Variants in GATAD1 observed in about 807,000 individuals in gnomAD.
GATAD1 encodes GATA zinc finger domain containing 1, also known as GATA zinc finger domain-containing protein 1.
GATAD1 carries 12 observed loss-of-function variants against 26.5 expected under a neutral mutation model. That is an observed-to-expected ratio of 0.45 (90% CI 0.29 to 0.73). The LOEUF (loss-of-function observed/expected upper bound fraction) is 0.73, where lower values mean the gene tolerates loss of function less well. GATAD1 is among the 30% of genes least tolerant of loss of function. The pLI is 0.10. For synonymous variants in GATAD1, 129 were observed against 133.1 expected, an observed-to-expected ratio of 0.97 and a Z score of 0.21; for missense variants, 266 against 342.1, an observed-to-expected ratio of 0.78 and a Z score of 1.75.
At chr7:92,468,246 T>TC in the GATAD1 span, 1 of 160,774 alleles carries the variant, frequency 6.2e-6, no homozygotes, top group Non-Finnish European at 1.3e-5. Flanking sequence ...CCTCGCTGGA[T>TC]CAGGAGCACA....
the GATAD1 span, among the ~76,000 whole-genome samples, chr7:92,479,023 C>T: frequency 7.2e-5 from 11 of 152,174 alleles, no homozygotes; most frequent in Non-Finnish European, 1.3e-4. Context: ...AATCAGACAC[C>T]GCCTCCTCCA....
Position 92,456,741 on chromosome 7 carries a change from T to C in GATAD1, c.*179T>C, listed in dbSNP as rs532959055. The C allele has an allele frequency of 4.2e-6, 2 of 474,294 alleles. No homozygotes were observed. Among genetic ancestry groups the C allele is most frequent in the Non-Finnish European group, 7.4e-6 (2 of 271,710 alleles). 29.4% of individuals were successfully genotyped at this position (474,294 alleles called of 1,614,324 possible). On this transcript the variant is annotated 3_prime_UTR_variant, in exon 5 of 5. Coordinates refer to ENST00000287957, the MANE Select transcript of GATAD1 (RefSeq NM_021167.5). ...TTAGTACCACAAGATATGTCATAGG[T>C]ATCTTTAAATGAAATTCTTAGCTGG...
chr7:92,448,884 T>C lies in GATAD1; in HGVS notation c.375+7T>C. 1 of 1,610,770 alleles carries C rather than the reference T, an allele frequency of 6.2e-7. No homozygotes were observed. The highest frequency in any genetic ancestry group is 8.5e-7 in the Non-Finnish European group (1 of 1,176,952). ...TATATTTAAATTGAAAAATGTAAGA[T>C]ATTTGTGGACAGTGCCTTTTACTGT... On this transcript the variant is annotated splice_region_variant and intron_variant, in intron 2 of 4. Transcript: ENST00000287957.
At chr7:92,474,520 T>C in the GATAD1 span, 1 of 152,282 alleles carries the variant, frequency 6.6e-6, no homozygotes, top group Non-Finnish European at 1.5e-5. Context: ...CCAATCTCCA[T>C]GTTCTGATTC....
chr7:92,454,066 A>G (rs1171929867), intron 3 of GATAD1: 1 of 208,054 alleles, frequency 4.8e-6, no homozygotes, highest in Non-Finnish European at 9.4e-6. Flanking sequence ...CCGTGTAACA[A>G]GTGTACCACT....
chr7:92,454,436 G>A (rs1789578267), intron 3 of GATAD1, 66 bp from the exon 4 acceptor site: 1 of 1,215,010 alleles, frequency 8.2e-7, no homozygotes, highest in African/African-American at 1.5e-5. Flanking sequence ...TACCTATTAA[G>A]GTTCATTCAT....
In GATAD1 at chr7:92,454,309, G is replaced by A. The variant is rs539213521; in HGVS notation, c.436-193G>A. The A allele has an allele frequency of 2.0e-4, 117 of 573,902 alleles. No individual in the cohort carries two copies. In the African/African-American group the frequency reaches 2.1e-3, roughly 10 times the overall value. The allele number at this position is 573,902 out of a possible 1,614,324, so 35.6% of individuals were successfully genotyped here. A position where few individuals can be genotyped will look rare whatever the true frequency, so the allele number is the denominator to read the frequency against. On this transcript the variant is annotated intron_variant, in intron 3 of 4. Coordinates refer to ENST00000287957, the MANE Select transcript of GATAD1 (RefSeq NM_021167.5). Reference sequence around the variant, plus strand: ...AACTGTCATATATGCACCCTCGTATGTGTATGTATAATTTTCATTCAAACG... The same window carrying A: ...AACTGTCATATATGCACCCTCGTATATGTATGTATAATTTTCATTCAAACG...
chr7:92,486,345 C>T, the GATAD1 span, among the ~76,000 whole-genome samples: 1 of 152,204 alleles, frequency 6.6e-6, no homozygotes, highest in South Asian at 2.1e-4. Flanking sequence ...TTACCACCAC[C>T]ACCCTTCATG....
downstream of GATAD1, among the ~76,000 whole-genome samples, chr7:92,463,467 T>C (rs1789993042): frequency 6.6e-6 from 1 of 151,222 alleles, no homozygotes; most frequent in Non-Finnish European, 1.5e-5. Context: ...CTGGCTAACA[T>C]GGTGAAACCC....
the GATAD1 span, among the ~76,000 whole-genome samples, chr7:92,474,048 T>C: frequency 3.3e-5 from 5 of 152,130 alleles, no homozygotes; most frequent in Non-Finnish European, 7.4e-5. Flanking sequence ...TAGACCGCAC[T>C]GGAAGCAAGC....
At chr7:92,494,670 C>T in the GATAD1 span, 1 of 1,594,824 alleles carries the variant, frequency 6.3e-7, no homozygotes, top group South Asian at 1.1e-5. Flanking sequence ...AATCAGGCTT[C>T]ATAGTTGGCA....
chr7:92,455,853 C>A (rs1032929068), intron 4 of GATAD1, among the ~76,000 whole-genome samples: 1 of 152,156 alleles, frequency 6.6e-6, no homozygotes, highest in African/African-American at 2.4e-5. Context: ...TCAGAATCAC[C>A]TTCGGGATTC....
Position 92,454,244 on chromosome 7 carries a change from A to G in GATAD1, c.436-258A>G, listed in dbSNP as rs1789567323. 11 of 397,648 alleles carry G rather than the reference A, an allele frequency of 2.8e-5. No individual in the cohort carries two copies. The South Asian group carries it at 3.5e-4, about 13-fold the overall frequency. 24.6% of individuals were successfully genotyped at this position (397,648 alleles called of 1,614,324 possible). A position where few individuals can be genotyped will look rare whatever the true frequency, so the allele number is the denominator to read the frequency against. The stretch of plus-strand genomic sequence containing the variant: ...TGGGGATGGTATTACGGCAATATAA[A>G]ATCAAAATACTTTATGAACAAATCT... On this transcript the variant is annotated intron_variant, in intron 3 of 4. Transcript: ENST00000287957.
chr7:92,479,226 A>G, the GATAD1 span, among the ~76,000 whole-genome samples: 1 of 152,082 alleles, frequency 6.6e-6, no homozygotes, highest in African/African-American at 2.4e-5. Context: ...GAGTCCACCA[A>G]ACAGGCTTTG....
the GATAD1 span, chr7:92,474,716 C>T: frequency 1.3e-5 from 2 of 152,214 alleles, no homozygotes; most frequent in South Asian, 2.1e-4. Flanking sequence ...GACATTATAT[C>T]TCTCCATGTC....
At chr7:92,450,662 C>T in intron 2 of GATAD1, 39 bp from the exon 3 acceptor site, 4 of 1,414,132 alleles carry the variant, frequency 2.8e-6, no homozygotes, top group Non-Finnish European at 4.0e-6. Flanking sequence ...TAGACACATA[C>T]ATACTATGAA....
At chr7:92,454,741 A>C in intron 4 of GATAD1, 56 bp downstream of exon 4, 1 of 1,217,024 alleles carries the variant, frequency 8.2e-7, no homozygotes, top group Non-Finnish European at 1.2e-6. Context: ...CTCCAATATT[A>C]TGTAAAAGAG....
intron 4 of GATAD1, 23 bp downstream of exon 4, chr7:92,454,708 G>GTT (rs138108362): frequency 5.9e-5 from 89 of 1,499,890 alleles, no homozygotes; most frequent in Middle Eastern, 1.7e-4. Flanking sequence ...AATGGCACAG[G>GTT]TTTTTTTTTA....
the GATAD1 span, chr7:92,492,860 T>C: frequency 3.1e-6 from 3 of 970,742 alleles, no homozygotes; most frequent in Non-Finnish European, 5.0e-6. Context: ...ACCAAAGTTG[T>C]TTAAAAAATA....
Sources: gnomAD v4.1 joint callset for allele counts (sites outside exome capture counted in the v4.1 genomes callset) on GRCh38, gnomAD v4.1.1 for gene constraint, MANE v1.5 for transcripts, NCBI Gene and HGNC (gene_info 2026-07-23, HGNC 2026-07-21) for gene names.